ZCCHC7: variants seen among roughly 807,000 people sequenced by gnomAD.
The protein encoded by ZCCHC7 is zinc finger CCHC-type containing 7.
ZCCHC7 carries 35 observed loss-of-function variants against 52.0 expected under a neutral mutation model. The observed-to-expected ratio is 0.67, with a 90% CI of 0.51 to 0.89. The LOEUF (loss-of-function observed/expected upper bound fraction) is 0.89. Among genes scored for constraint, ZCCHC7 ranks in the 40% least tolerant of loss-of-function variants. ZCCHC7 has a pLI of 0.00. For missense variants in ZCCHC7, 574 were observed against 649.1 expected (o/e 0.88, Z 1.26); for synonymous variants, 217 against 221.5 (o/e 0.98, Z 0.18).
chr9:37,126,113 C>G (rs1223089366), intron 1 of ZCCHC7, among the ~76,000 whole-genome samples, 199 bp from the exon 2 acceptor site: 2 of 152,104 alleles, frequency 1.3e-5, no homozygotes, highest in African/African-American at 4.8e-5. Context: ...AGTAGTAATT[C>G]TCGTTGGGGA....
intron 2 of ZCCHC7, among the ~76,000 whole-genome samples, chr9:37,299,292 G>A (rs1564236956): frequency 6.6e-6 from 1 of 152,160 alleles, no homozygotes; most frequent in Non-Finnish European, 1.5e-5. Flanking sequence ...CAAAGGTCTG[G>A]AAGATTTAAT....
chr9:37,278,307 C>A (rs1827788779), intron 2 of ZCCHC7, among the ~76,000 whole-genome samples: 2 of 151,916 alleles, frequency 1.3e-5, no homozygotes, highest in South Asian at 4.2e-4. Flanking sequence ...ATGAAACTTG[C>A]TGGAGAAATA....
chr9:37,346,246 A>C (rs960007350), intron 6 of ZCCHC7, among the ~76,000 whole-genome samples: 8 of 152,040 alleles, frequency 5.3e-5, no homozygotes, highest in African/African-American at 1.9e-4. Context: ...CAGGTGATCC[A>C]CCCACCTTGG....
At chr9:37,337,497 T>C (rs1588691084) in intron 6 of ZCCHC7, among the ~76,000 whole-genome samples, 2 of 150,196 alleles carry the variant, frequency 1.3e-5, no homozygotes, top group African/African-American at 4.9e-5. Flanking sequence ...ACAAGGTCGA[T>C]AGCATTACAA....
intron 2 of ZCCHC7, among the ~76,000 whole-genome samples, chr9:37,267,865 G>A (rs1030203841): frequency 3.9e-5 from 6 of 151,968 alleles, no homozygotes; most frequent in East Asian, 1.9e-4. Context: ...CACCGCGCCC[G>A]GCCTAATTTT....
chr9:37,213,813 A>G (rs1339122873), intron 2 of ZCCHC7, among the ~76,000 whole-genome samples: 2 of 152,092 alleles, frequency 1.3e-5, no homozygotes, highest in Non-Finnish European at 2.9e-5. Context: ...TATCTTGCAC[A>G]TTGTTTTAAA....
intron 2 of ZCCHC7, among the ~76,000 whole-genome samples, chr9:37,250,001 A>T (rs1013111358): frequency 6.6e-6 from 1 of 151,420 alleles, no homozygotes; most frequent in Non-Finnish European, 1.5e-5. Context: ...CTTTGAAGAT[A>T]AGCAGTCAGA....
chr9:37,227,135 T>G (rs1825155106), intron 2 of ZCCHC7, among the ~76,000 whole-genome samples: 1 of 152,120 alleles, frequency 6.6e-6, no homozygotes, highest in South Asian at 2.1e-4. Flanking sequence ...AATTTGGACT[T>G]AATCAAAATT....
chr9:37,165,337 A>G (rs960899373), intron 2 of ZCCHC7, among the ~76,000 whole-genome samples: 1 of 150,144 alleles, frequency 6.7e-6, no homozygotes, highest in African/African-American at 2.5e-5. Flanking sequence ...TTCTTGCCAT[A>G]TTGGATGGAA....
At chr9:37,133,364 C>T (rs1842869597) in intron 2 of ZCCHC7, among the ~76,000 whole-genome samples, 1 of 148,142 alleles carries the variant, frequency 6.8e-6, no homozygotes, top group Admixed American at 6.7e-5. Flanking sequence ...TTTTTTTGGT[C>T]TGGAATATTT....
intron 6 of ZCCHC7, among the ~76,000 whole-genome samples, chr9:37,339,603 G>C (rs905199937): frequency 6.6e-6 from 1 of 152,200 alleles, no homozygotes; most frequent in African/African-American, 2.4e-5. Flanking sequence ...AGGCACATGT[G>C]ATTTAGTCAG....
rs541406831 is a variant in ZCCHC7 at position 37,329,250 on chromosome 9, T to C, written c.987+1416T>C. ...AAGTATGATTTTAAAGCTGCTCTTT[T>C]GATTATTTACACCTGTGTTCGTTTA... On this transcript the variant is annotated intron_variant, in intron 6 of 8. Transcript: ENST00000336755. Among the ~76,000 whole-genome samples the C allele has an allele frequency of 2.0e-5, 3 of 151,896 alleles. No individual in the cohort carries two copies. In the East Asian group the frequency reaches 5.8e-4, roughly 29 times the overall value.
At chr9:37,253,298 G>C (rs938230010) in intron 2 of ZCCHC7, among the ~76,000 whole-genome samples, 3 of 151,386 alleles carry the variant, frequency 2.0e-5, no homozygotes, top group African/African-American at 7.3e-5. Context: ...AAAAGACTTA[G>C]GGAAAAAAAT....
chr9:37,303,952 C>T (rs1038203502), intron 3 of ZCCHC7, among the ~76,000 whole-genome samples: 1 of 152,168 alleles, frequency 6.6e-6, no homozygotes, highest in Non-Finnish European at 1.5e-5. Context: ...CATGAGCCAC[C>T]ACGCCCAACC....
chr9:37,310,961 A>T (rs1213605183), intron 5 of ZCCHC7, among the ~76,000 whole-genome samples: 8 of 130,918 alleles, frequency 6.1e-5, no homozygotes, highest in African/African-American at 3.0e-4. Context: ...TCTCTTTTTA[A>T]AAAAAAAAAA....
intron 2 of ZCCHC7, among the ~76,000 whole-genome samples, chr9:37,180,270 T>G (rs1268028218): frequency 1.3e-5 from 2 of 152,142 alleles, no homozygotes; most frequent in Non-Finnish European, 2.9e-5. Context: ...GAAAACTTCC[T>G]TTTAGGAGCT....
chr9:37,273,138 T>A (rs1827507593), intron 2 of ZCCHC7, among the ~76,000 whole-genome samples: 1 of 152,158 alleles, frequency 6.6e-6, no homozygotes, highest in East Asian at 1.9e-4. Context: ...CCCATAATGG[T>A]AGAGTTGTGT....
intron 2 of ZCCHC7, among the ~76,000 whole-genome samples, chr9:37,132,894 T>A (rs1842849919): frequency 6.6e-6 from 1 of 152,162 alleles, no homozygotes; most frequent in Non-Finnish European, 1.5e-5. Context: ...ATCCCGGCAC[T>A]TTGGGAGGCC....
chr9:37,275,041 A>G (rs1188552937), intron 2 of ZCCHC7, among the ~76,000 whole-genome samples: 1 of 152,214 alleles, frequency 6.6e-6, no homozygotes, highest in Non-Finnish European at 1.5e-5. Context: ...AATTATTGAT[A>G]TCTGCCTGGC....
Sources: gnomAD v4.1 joint callset for allele counts (sites outside exome capture counted in the v4.1 genomes callset) on GRCh38, gnomAD v4.1.1 for gene constraint, MANE v1.5 for transcripts, NCBI Gene and HGNC (gene_info 2026-07-23, HGNC 2026-07-21) for gene names.